LY75: variants seen among roughly 807,000 people sequenced by gnomAD.
LY75 encodes the protein C-type lectin domain family 13 member B.
In LY75, 185 loss-of-function variants were observed where a neutral mutation model predicts 231.7. The ratio of observed to expected loss-of-function variants is 0.80; its 90% CI spans 0.71 to 0.90. The LOEUF is 0.90. Among genes scored for constraint, LY75 ranks in the 40% least tolerant of loss-of-function variants. The pLI, the probability that LY75 is intolerant of heterozygous loss-of-function variation, is 0.00. For synonymous variants in LY75, 668 were observed against 689.0 expected (o/e 0.97, Z 0.48); for missense variants, 1,947 against 2,050.2 (o/e 0.95, Z 0.97).
chr2:159,828,206 T>TATTTTACATAA (rs1553801412), intron 28 of LY75, among the ~76,000 whole-genome samples: 3 of 148,270 alleles, frequency 2.0e-5, no homozygotes, highest in Non-Finnish European at 4.5e-5. Flanking sequence ...TAAAATTTTA[T>TATTTTACATAA]ATTTTATATA....
intron 6 of LY75, among the ~76,000 whole-genome samples, chr2:159,882,953 T>C (rs1427941369): frequency 2.0e-5 from 3 of 151,944 alleles, no homozygotes; most frequent in Non-Finnish European, 4.4e-5. Flanking sequence ...AAGCTCACAA[T>C]CGAAGGTCTA....
Position 159,875,550 on chromosome 2 carries a change from C to T in LY75, c.1868G>A (p.Cys623Tyr), listed in dbSNP as rs1685242076. The T allele has an allele frequency of 3.1e-6, 5 of 1,613,974 alleles. No homozygotes were observed. The East Asian group carries it at 8.9e-5, about 29-fold the overall frequency. The change falls in exon 12 of 35, where the codon TGC (cysteine) becomes TAC (tyrosine). Residue 623 changes from cysteine (C) to tyrosine (Y), a missense_variant. Physicochemically the swap from Cys to Tyr is radical, Grantham distance 194. Transcript: ENST00000263636. ...CCCAAGGGGTCCACTCATTTTCTTG[C>T]AAATTGAAAGTGCTTTGAAGCTTCT... is the stretch of plus-strand genomic sequence containing the variant. ...DCRSFKALSICKKMSGPLGPE... is the reference protein window; with the variant it reads ...DCRSFKALSIYKKMSGPLGPE...
At chr2:159,900,177 A>G (rs1177783100) in intron 1 of LY75, among the ~76,000 whole-genome samples, 1 of 152,220 alleles carries the variant, frequency 6.6e-6, no homozygotes, top group Non-Finnish European at 1.5e-5. Flanking sequence ...ATGAGCTGGC[A>G]AAGACCCCAG....
chr2:159,846,594 C>A (rs1684210175), intron 23 of LY75, among the ~76,000 whole-genome samples: 1 of 151,982 alleles, frequency 6.6e-6, no homozygotes, highest in Non-Finnish European at 1.5e-5. Flanking sequence ...CTAATATTTA[C>A]AATTTACATG....
chr2:159,856,227 G>T (rs1319570364), intron 16 of LY75, among the ~76,000 whole-genome samples: 2 of 152,152 alleles, frequency 1.3e-5, no homozygotes, highest in African/African-American at 4.8e-5. Context: ...CTGGGTAATG[G>T]CATCATAGGT....
At chr2:159,808,602 T>G in intron 32 of LY75, 31 bp from the exon 33 acceptor site, 1 of 1,609,916 alleles carries the variant, frequency 6.2e-7, no homozygotes, top group Non-Finnish European at 8.5e-7. Context: ...CTCAATTAGC[T>G]TTATGGAAAC....
chr2:159,838,271 G>A (rs989197453), intron 25 of LY75, among the ~76,000 whole-genome samples: 10 of 152,108 alleles, frequency 6.6e-5, no homozygotes, highest in Non-Finnish European at 1.5e-4. Flanking sequence ...AAGAATTAAG[G>A]CAGCTATTAG....
intron 7 of LY75, among the ~76,000 whole-genome samples, 196 bp from the exon 8 acceptor site, chr2:159,881,436 C>T (rs141756700): frequency 2.0e-5 from 3 of 152,232 alleles, no homozygotes; most frequent in African/African-American, 7.2e-5. Context: ...AAGTAAAGTA[C>T]ACAGGTAGAA....
rs757497163 is a variant in LY75 at position 159,861,070 on chromosome 2, CAT to C, written c.2200-183_2200-182del. Among the ~76,000 whole-genome samples, 6 of 152,242 alleles carry C rather than the reference CAT, an allele frequency of 3.9e-5. 1 individual carries two copies. Among genetic ancestry groups the C allele is most frequent in the Admixed American group, 3.3e-4 (5 of 15,288 alleles). On this transcript the variant is annotated intron_variant, in intron 14 of 34. Transcript: ENST00000263636. ...GAGGACTTAGCAAATGTCATAATGT[CAT>C]AAGTTTCCAAACAAAGGAAGCCACA...
intron 32 of LY75, among the ~76,000 whole-genome samples, chr2:159,809,565 C>G (rs879721488): frequency 2.0e-5 from 3 of 152,166 alleles, no homozygotes; most frequent in Non-Finnish European, 4.4e-5. Context: ...CTAAGCATAT[C>G]TAGCTATAGG....
chr2:159,848,678 G>A (rs1270551058), intron 23 of LY75, among the ~76,000 whole-genome samples: 2 of 152,132 alleles, frequency 1.3e-5, no homozygotes, highest in Non-Finnish European at 2.9e-5. Context: ...ACAGTGTATG[G>A]AAAAGCCCTA....
chr2:159,898,570 A>C, intron 2 of LY75, 118 bp downstream of exon 2: 3 of 1,465,718 alleles, frequency 2.0e-6, no homozygotes, highest in Non-Finnish European at 2.7e-6. Context: ...CTGGAAGTGA[A>C]GAGCTTACTC....
At chr2:159,827,073 C>A (rs923270331) in intron 28 of LY75, among the ~76,000 whole-genome samples, 1 of 152,122 alleles carries the variant, frequency 6.6e-6, no homozygotes, top group Non-Finnish European at 1.5e-5. Flanking sequence ...TCTAAAACAC[C>A]AAAAGCAACG....
chr2:159,866,730 GA>G (rs1479790695), intron 13 of LY75, among the ~76,000 whole-genome samples: 2 of 152,164 alleles, frequency 1.3e-5, no homozygotes, highest in Non-Finnish European at 2.9e-5. Flanking sequence ...TTTACTTGGG[GA>G]AATAACTGCA....
At chr2:159,899,536 G>T (rs1272731053) in intron 1 of LY75, among the ~76,000 whole-genome samples, 2 of 152,164 alleles carry the variant, frequency 1.3e-5, no homozygotes, top group African/African-American at 4.8e-5. Flanking sequence ...TTACATGTTA[G>T]CTACTACGGC....
In LY75 at chr2:159,835,690, A is replaced by G. The variant is rs180994930; in HGVS notation, c.3508-45T>C. The G allele has an allele frequency of 7.7e-5, 123 of 1,594,724 alleles. No individual in the cohort carries two copies. In the African/African-American group the frequency reaches 1.5e-3, roughly 19 times the overall value. Reference sequence around the variant, plus strand: ...ATTTCAGGTGGCAATATTGATGTTAACCCTTTGTATTATTTTGACTCCCAT... The same window carrying G: ...ATTTCAGGTGGCAATATTGATGTTAGCCCTTTGTATTATTTTGACTCCCAT... On this transcript the variant is annotated intron_variant, in intron 25 of 34. Transcript: ENST00000263636.
intron 32 of LY75, among the ~76,000 whole-genome samples, chr2:159,810,176 GGT>G (rs1260888765): frequency 6.6e-6 from 1 of 152,102 alleles, no homozygotes; most frequent in Admixed American, 6.5e-5. Context: ...TGGGACTACA[GGT>G]GTGTGCGACC....
chr2:159,904,565 CG>C, intron 1 of LY75, 23 bp downstream of exon 1: 1 of 1,503,330 alleles, frequency 6.7e-7, no homozygotes, highest in East Asian at 2.9e-5. Context: ...CAGCGGACTG[CG>C]GGGCTGGCGT....
rs187057865 is a variant in LY75, at chr2:159,811,164, C to T, written c.4550-489G>A. Among the ~76,000 whole-genome samples, 516 of 152,274 alleles carry T rather than the reference C, an allele frequency of 3.4e-3. 3 individuals carry two copies. Among genetic ancestry groups the T allele is most frequent in the African/African-American group, 0.012 (497 of 41,532 alleles). On this transcript the variant is annotated intron_variant, in intron 31 of 34. Coordinates refer to ENST00000263636, the MANE Select transcript of LY75 (RefSeq NM_002349.4). ...TGCTGGGATTACAGGCGTGACCCCA[C>T]AGCGCCTAGCCCGTTGGATTCCTTT...
Sources: gnomAD v4.1 joint callset for allele counts (sites outside exome capture counted in the v4.1 genomes callset) on GRCh38, gnomAD v4.1.1 for gene constraint, MANE v1.5 for transcripts, NCBI Gene and HGNC (gene_info 2026-07-23, HGNC 2026-07-21) for gene names.